Variants in MYO6 observed in about 807,000 individuals in gnomAD.
MYO6 encodes the protein unconventional myosin-VI.
In MYO6, 74 loss-of-function variants were observed where a neutral mutation model predicts 178.7. The observed-to-expected ratio is 0.41, with a 90% CI of 0.34 to 0.50. The LOEUF (loss-of-function observed/expected upper bound fraction) is 0.50, where lower values mean the gene tolerates loss of function less well. MYO6 is among the 20% of genes least tolerant of loss of function. The probability of loss-of-function intolerance (pLI) is 0.09; values close to 1 mark genes in which losing one functional copy is unlikely to be tolerated. For missense variants in MYO6, 1,330 were observed against 1,547.4 expected (o/e 0.86, Z 2.36); for synonymous variants, 477 against 504.6 (o/e 0.95, Z 0.73).
chr6:75,913,890 G>C (rs565841585), intron 33 of MYO6, among the ~76,000 whole-genome samples, 173 bp from the exon 34 acceptor site: 11 of 152,188 alleles, frequency 7.2e-5, no homozygotes, highest in African/African-American at 2.4e-4. Flanking sequence ...ATTCTAAGAA[G>C]TAACACTCTG....
At chr6:75,866,650 C>T in intron 17 of MYO6, 29 bp downstream of exon 17, 1 of 1,557,464 alleles carries the variant, frequency 6.4e-7, no homozygotes. Flanking sequence ...AGGAGAAAAC[C>T]ATTTCATGTT....
chr6:75,889,769 G>A (rs541599839), intron 25 of MYO6, among the ~76,000 whole-genome samples: 1 of 152,256 alleles, frequency 6.6e-6, no homozygotes, highest in African/African-American at 2.4e-5. Flanking sequence ...CTGTCTAATT[G>A]ATGTGTAATA....
intron 2 of MYO6, 92 bp downstream of exon 2, chr6:75,817,756 G>C: frequency 9.1e-7 from 1 of 1,095,918 alleles, no homozygotes; most frequent in Non-Finnish European, 1.4e-6. Context: ...TAATGAGGTA[G>C]ATATTTGGGA....
intron 1 of MYO6, among the ~76,000 whole-genome samples, chr6:75,764,428 C>T (rs1778223606): frequency 6.6e-6 from 1 of 152,108 alleles, no homozygotes; most frequent in East Asian, 1.9e-4. Context: ...CTTTCACTAC[C>T]TGCTTGAATT....
At chr6:75,771,696 A>G (rs1373344314) in intron 1 of MYO6, among the ~76,000 whole-genome samples, 2 of 152,206 alleles carry the variant, frequency 1.3e-5, no homozygotes, top group Non-Finnish European at 2.9e-5. Flanking sequence ...CACATTTGAT[A>G]CTGTGAGAAG....
At chr6:75,853,716 A>G (rs570429873) in intron 11 of MYO6, among the ~76,000 whole-genome samples, 1 of 152,156 alleles carries the variant, frequency 6.6e-6, no homozygotes, top group Admixed American at 6.5e-5. Context: ...AATTGTCATG[A>G]TTTTCACACA....
intron 1 of MYO6, among the ~76,000 whole-genome samples, chr6:75,759,133 G>A (rs1777733558): frequency 6.6e-6 from 1 of 152,142 alleles, no homozygotes; most frequent in African/African-American, 2.4e-5. Flanking sequence ...GTCTCCCAAA[G>A]TGCTGGGATT....
chr6:75,804,839 C>A (rs553009203), intron 1 of MYO6, among the ~76,000 whole-genome samples: 2 of 150,394 alleles, frequency 1.3e-5, no homozygotes, highest in South Asian at 2.1e-4. Flanking sequence ...ATGTCTAATA[C>A]CCTAACATAT....
rs1562280635 is a variant in MYO6 at position 75,881,782 on chromosome 6, A to C, written c.2380A>C (p.Lys794Gln). 1.9e-6 allele frequency: 3 copies of C among 1,613,998 alleles called. No homozygotes were observed. In the South Asian group the frequency reaches 3.3e-5, roughly 18 times the overall value. The change falls in exon 23 of 35, where the codon AAG (lysine) becomes CAG (glutamine). Residue 794 changes from lysine (K) to glutamine (Q), a missense_variant. By Grantham distance (53) the Lys-to-Gln change is moderately conservative. Coordinates refer to ENST00000369977, the MANE Select transcript of MYO6 (RefSeq NM_004999.4). ...TCACTGGCTCACATGCAGTCGCTGG[A>C]AGAAAGTTCAGTGGTGCTCACTCTC... ...VNHWLTCSRW[K>Q]KVQWCSLSVI...
chr6:75,885,550 G>A (rs1335143620), intron 23 of MYO6, among the ~76,000 whole-genome samples: 3 of 151,862 alleles, frequency 2.0e-5, no homozygotes, highest in Non-Finnish European at 2.9e-5. Flanking sequence ...CCGGGTTCAC[G>A]CCATTCTCCT....
intron 3 of MYO6, among the ~76,000 whole-genome samples, chr6:75,825,445 T>A: frequency 6.6e-6 from 1 of 151,918 alleles, no homozygotes; most frequent in Non-Finnish European, 1.5e-5. Flanking sequence ...GTACAAAAAT[T>A]AGTTGAGCAT....
rs1189996421 is a variant in MYO6, at chr6:75,919,470, C to T, written c.*4458C>T. On this transcript the variant is annotated 3_prime_UTR_variant, in exon 35 of 35. Coordinates refer to ENST00000369977, the MANE Select transcript of MYO6 (RefSeq NM_004999.4). ...TCCTCATTTCATTAAAAGTGTATAT[C>T]TAATGCTTTCTCTAAAAATTGATGT... 3 of 152,550 alleles carry T rather than the reference C, an allele frequency of 2.0e-5. No individual in the cohort carries two copies. Among genetic ancestry groups the T allele is most frequent in the Non-Finnish European group, 4.4e-5 (3 of 68,038 alleles). The allele number at this position is 152,550 out of a possible 1,614,324, so 9.4% of individuals were successfully genotyped here.
intron 1 of MYO6, among the ~76,000 whole-genome samples, chr6:75,805,794 A>AT (rs1283338408): frequency 6.6e-6 from 1 of 152,156 alleles, no homozygotes; most frequent in Non-Finnish European, 1.5e-5. Flanking sequence ...AATTCTTATT[A>AT]TTTTTTTCTT....
At chr6:75,878,331 C>T (rs773513020) in intron 20 of MYO6, among the ~76,000 whole-genome samples, 20 of 151,820 alleles carry the variant, frequency 1.3e-4, no homozygotes, top group Non-Finnish European at 2.4e-4. Flanking sequence ...TTTCTATTAC[C>T]AACAGTGACC....
intron 1 of MYO6, among the ~76,000 whole-genome samples, chr6:75,765,146 T>C (rs1474703996): frequency 1.4e-5 from 2 of 142,726 alleles, no homozygotes; most frequent in Admixed American, 7.2e-5. Flanking sequence ...ATTTCACATA[T>C]AAGGCTATGA....
intron 4 of MYO6, among the ~76,000 whole-genome samples, chr6:75,829,786 T>G (rs1772887403): frequency 6.6e-6 from 1 of 152,184 alleles, no homozygotes; most frequent in Non-Finnish European, 1.5e-5. Flanking sequence ...AAAAGCAAGC[T>G]TAAGTTGCTC....
Position 75,915,079 on chromosome 6 carries a change from G to T in MYO6, c.*67G>T. 7.2e-7 allele frequency: 1 copy of T among 1,385,948 alleles called. No individual in the cohort carries two copies. Among genetic ancestry groups the T allele is most frequent in the Non-Finnish European group, 1.0e-6 (1 of 995,348 alleles). The allele number at this position is 1,385,948 out of a possible 1,614,324, so 85.9% of individuals were successfully genotyped here. A position where few individuals can be genotyped will look rare whatever the true frequency, so the allele number is the denominator to read the frequency against. On this transcript the variant is annotated 3_prime_UTR_variant, in exon 35 of 35. Transcript: ENST00000369977. Reference sequence around the variant, plus strand: ...TACTTAGGTAGGGTGTGTGCCCCCAGATTTAACCATTCCATAATCATGTTA... The same window carrying T: ...TACTTAGGTAGGGTGTGTGCCCCCATATTTAACCATTCCATAATCATGTTA...
chr6:75,833,047 C>T, intron 6 of MYO6, 100 bp downstream of exon 6: 1 of 794,678 alleles, frequency 1.3e-6, no homozygotes, highest in Non-Finnish European at 2.2e-6. Context: ...AATGCAGTGT[C>T]ACCACCACAG....
In MYO6 at chr6:75,862,853, C is replaced by A; in HGVS notation, c.1674+130C>A. On this transcript the variant is annotated intron_variant, in intron 16 of 34. Transcript: ENST00000369977. ...CGTGTATAGAGCAACTATATTATAT[C>A]CAGCACAGTATCTTCCTTAGATGGA... The A allele has an allele frequency of 2.9e-6, 3 of 1,043,178 alleles. No homozygotes were observed. In the South Asian group the frequency reaches 4.0e-5, roughly 14 times the overall value. The allele number at this position is 1,043,178 out of a possible 1,614,324, so 64.6% of individuals were successfully genotyped here.
Sources: allele counts gnomAD v4.1 joint callset (sites outside exome capture counted in the v4.1 genomes callset), GRCh38; gene constraint gnomAD v4.1.1; transcripts MANE v1.5; gene names NCBI Gene and HGNC (gene_info 2026-07-23, HGNC 2026-07-21).